Variants in CEP295 observed in about 807,000 individuals in gnomAD.
CEP295 encodes the protein centrosomal protein 295.
CEP295 carries 190 observed loss-of-function variants against 291.6 expected under a neutral mutation model. The ratio of observed to expected loss-of-function variants is 0.65; its 90% CI spans 0.58 to 0.73. The LOEUF is 0.73. Ranked by LOEUF, CEP295 falls within the 30% of genes least tolerant of loss-of-function variation. The pLI is 0.00. For missense variants in CEP295, 2,863 were observed against 2,949.4 expected (o/e 0.97, Z 0.68); for synonymous variants, 993 against 1,038.8 (o/e 0.96, Z 0.85).
intron 9 of CEP295, among the ~76,000 whole-genome samples, chr11:93,685,078 A>G (rs565436845): frequency 1.3e-5 from 2 of 152,300 alleles, no homozygotes; most frequent in South Asian, 2.1e-4. Flanking sequence ...TGTCTTTTCT[A>G]TCTTAGTGAA....
intron 15 of CEP295, among the ~76,000 whole-genome samples, chr11:93,701,645 C>T (rs1442400584): frequency 1.3e-5 from 2 of 152,076 alleles, no homozygotes; most frequent in African/African-American, 4.8e-5. Context: ...TGCTCTGTCA[C>T]CAGGCTGGAG....
At chr11:93,690,065 G>A (rs781649235) in intron 10 of CEP295, among the ~76,000 whole-genome samples, 11 of 152,128 alleles carry the variant, frequency 7.2e-5, no homozygotes, top group Non-Finnish European at 1.5e-4. Flanking sequence ...AGAATATGGT[G>A]TTGAAGTCCA....
intron 17 of CEP295, 47 bp from the exon 18 acceptor site, chr11:93,706,698 T>G: frequency 1.4e-6 from 2 of 1,465,808 alleles, no homozygotes; most frequent in South Asian, 2.8e-5. Context: ...TAGTTCTAGC[T>G]ATTAATAGTT....
chr11:93,682,770 C>G (rs1281116666), intron 7 of CEP295, among the ~76,000 whole-genome samples: 2 of 152,250 alleles, frequency 1.3e-5, no homozygotes, highest in South Asian at 4.1e-4. Context: ...CCTAATCATC[C>G]TTGCCCTCCA....
chr11:93,687,616 A>C, intron 9 of CEP295, 28 bp from the exon 10 acceptor site: 1 of 1,268,902 alleles, frequency 7.9e-7, no homozygotes, highest in South Asian at 1.4e-5. Context: ...GATGCTAAAT[A>C]AGTTTTTTCC....
At chr11:93,690,357 C>A (rs940035697) in intron 10 of CEP295, among the ~76,000 whole-genome samples, 3 of 152,126 alleles carry the variant, frequency 2.0e-5, no homozygotes, top group Non-Finnish European at 2.9e-5. Context: ...GAGATTGAGA[C>A]CATCCTGGCT....
At position 93,727,203 on chromosome 11, in the gene CEP295, G is replaced by T. The variant is rs760271651; in HGVS notation, c.6727G>T (p.Asp2243Tyr). The stretch of plus-strand genomic sequence containing the variant: ...CTTAAGTTCAGTCTACAGTTCATCT[G>T]ATGAAGCTAATGTATTTGATCAGTT... ...GNLSSVYSSSDEANVFDQLNV... is the reference protein window; with the variant it reads ...GNLSSVYSSSYEANVFDQLNV... Residue 2243 changes from aspartate to tyrosine, a missense_variant, in exon 24 of 30, where the codon GAT becomes TAT. Transcript: ENST00000325212. 1.2e-5 allele frequency: 19 copies of T among 1,551,274 alleles called. No individual in the cohort carries two copies. The highest frequency in any genetic ancestry group is 1.5e-5 in the Non-Finnish European group (17 of 1,146,856).
chr11:93,707,665 C>T (rs989994199), intron 18 of CEP295, among the ~76,000 whole-genome samples: 1 of 151,658 alleles, frequency 6.6e-6, no homozygotes, highest in East Asian at 1.9e-4. Context: ...AGGAGAATGG[C>T]GTGAACCTGG....
chr11:93,697,436 GC>G lies in CEP295; in HGVS notation c.2527del (p.Gln843SerfsTer5). ...RPLLPSENITAQQGNMKALQE... is the reference protein window; with the variant it reads ...RPLLPSENITXQQGNMKALQE... Reference sequence around the variant, plus strand: ...TTTGCTGCCGTCAGAGAATATCACAGCCCAGCAAGGTAATATGAAGGCCCTC... The same window carrying G: ...TTTGCTGCCGTCAGAGAATATCACAGCCAGCAAGGTAATATGAAGGCCCTC... On this transcript the variant is annotated frameshift_variant, in exon 15 of 30. Coordinates refer to ENST00000325212, the MANE Select transcript of CEP295 (RefSeq NM_033395.2). LOFTEE classifies it high-confidence loss of function. 1 of 1,552,172 alleles carries G rather than the reference GC, an allele frequency of 6.4e-7. No homozygotes were observed. Among genetic ancestry groups the G allele is most frequent in the Non-Finnish European group, 8.7e-7 (1 of 1,147,108 alleles).
chr11:93,687,065 G>C (rs544333758), intron 9 of CEP295, among the ~76,000 whole-genome samples: 3 of 152,334 alleles, frequency 2.0e-5, no homozygotes, highest in Non-Finnish European at 4.4e-5. Context: ...GAAAATGTTT[G>C]AAGAAATACT....
At chr11:93,693,272 G>A (rs1222819506) in intron 12 of CEP295, among the ~76,000 whole-genome samples, 2 of 150,564 alleles carry the variant, frequency 1.3e-5, no homozygotes, top group African/African-American at 4.9e-5. Context: ...GCCAGACTCT[G>A]TCTCAAAAAA....
intron 7 of CEP295, among the ~76,000 whole-genome samples, chr11:93,682,088 A>G (rs901038345): frequency 6.6e-6 from 1 of 152,228 alleles, no homozygotes; most frequent in Non-Finnish European, 1.5e-5. Context: ...GAATCTTAGT[A>G]TAAATGAAAT....
chr11:93,669,814 A>G (rs1950349389), intron 5 of CEP295, 44 bp downstream of exon 5: 1 of 1,271,180 alleles, frequency 7.9e-7, no homozygotes, highest in Non-Finnish European at 1.1e-6. Flanking sequence ...ATTCTTCTTT[A>G]CTATTATAAT....
chr11:93,696,576 T>G, intron 14 of CEP295, 106 bp from the exon 15 acceptor site: 1 of 1,137,654 alleles, frequency 8.8e-7, no homozygotes, highest in Non-Finnish European at 1.2e-6. Context: ...CTTTTCACCA[T>G]GAGTATTGCC....
chr11:93,729,114 A>T (rs1250100818), intron 25 of CEP295: 2 of 493,872 alleles, frequency 4.0e-6, no homozygotes, highest in African/African-American at 3.9e-5. Flanking sequence ...ATTCCCAGAT[A>T]TTGAAAAATG....
intron 15 of CEP295, among the ~76,000 whole-genome samples, chr11:93,701,964 T>C (rs1490840993): frequency 2.0e-5 from 3 of 151,442 alleles, no homozygotes; most frequent in Non-Finnish European, 1.5e-5. Context: ...GTTGTTGTTG[T>C]TGTTTGAGAC....
rs529730079 is a variant in CEP295, at chr11:93,679,480, A to G, written c.693A>G (p.Gln231=). 1.3e-6 allele frequency: 2 copies of G among 1,551,682 alleles called. No homozygotes were observed. The highest frequency in any genetic ancestry group is 1.2e-5 in the South Asian group (1 of 84,058). The change falls in exon 7 of 30, where the codon CAA becomes CAG. Residue 231 remains glutamine, a synonymous_variant. Transcript: ENST00000325212. ...RLEELQKQAA[Q]ERMERFEKAH... The stretch of plus-strand genomic sequence containing the variant: ...AAGAACTACAAAAACAGGCAGCACA[A>G]GAGAGAATGGAACGGTTTGAAAAGG...
intron 5 of CEP295, among the ~76,000 whole-genome samples, chr11:93,674,392 GT>G (rs1326594287): frequency 6.6e-6 from 1 of 152,042 alleles, no homozygotes; most frequent in Admixed American, 6.6e-5. Context: ...CTCCCAACCT[GT>G]GTTGCATTTG....
intron 17 of CEP295, among the ~76,000 whole-genome samples, chr11:93,705,592 G>T (rs1952461185): frequency 6.6e-6 from 1 of 151,852 alleles, no homozygotes; most frequent in South Asian, 2.1e-4. Context: ...TTTTTTTATA[G>T]CATCCTGCTA....
Sources: gnomAD v4.1 joint callset for allele counts (sites outside exome capture counted in the v4.1 genomes callset) on GRCh38, gnomAD v4.1.1 for gene constraint, MANE v1.5 for transcripts, NCBI Gene and HGNC (gene_info 2026-07-23, HGNC 2026-07-21) for gene names.